The following NKAIN3 variants were observed in gnomAD, a reference collection of about 807,000 sequenced individuals.
NKAIN3 encodes the protein sodium/potassium-transporting ATPase subunit beta-1-interacting protein 3.
NKAIN3 carries 25 observed loss-of-function variants against 30.2 expected under a neutral mutation model. The ratio of observed to expected loss-of-function variants is 0.83; its 90% confidence interval spans 0.60 to 1.16. The LOEUF is 1.16. Ranked by LOEUF, NKAIN3 falls within the 50% of genes most tolerant of loss-of-function variation. The pLI is 0.00. For missense variants in NKAIN3, 225 were observed against 254.1 expected (o/e 0.89, Z 0.78); for synonymous variants, 91 against 89.6 (o/e 1.02, Z -0.09).
chr8:62,283,777 G>A (rs117309684), intron 1 of NKAIN3, among the ~76,000 whole-genome samples: 4,078 of 151,876 alleles, frequency 0.027, 95 homozygotes, highest in Middle Eastern at 0.075. Flanking sequence ...GTCCTATAAT[G>A]GTCCCAAAAG....
intron 3 of NKAIN3, among the ~76,000 whole-genome samples, chr8:62,638,525 G>GGGA (rs1439817677): frequency 6.6e-6 from 1 of 152,160 alleles, no homozygotes; most frequent in Non-Finnish European, 1.5e-5. Context: ...TGATTGAAAC[G>GGGA]TCTACATGCC....
At chr8:62,286,795 T>C (rs776784426) in intron 1 of NKAIN3, among the ~76,000 whole-genome samples, 6 of 152,080 alleles carry the variant, frequency 3.9e-5, no homozygotes, top group Non-Finnish European at 8.8e-5. Context: ...CAGCATAAGA[T>C]TGAGCTGCAG....
chr8:62,955,567 T>C (rs1823398592), intron 6 of NKAIN3, among the ~76,000 whole-genome samples: 1 of 152,116 alleles, frequency 6.6e-6, no homozygotes, highest in Non-Finnish European at 1.5e-5. Context: ...AATTGCAATA[T>C]GAAAAATGCT....
chr8:62,427,893 T>C (rs1273317057), intron 1 of NKAIN3, among the ~76,000 whole-genome samples: 1 of 151,968 alleles, frequency 6.6e-6, no homozygotes, highest in Non-Finnish European at 1.5e-5. Context: ...CAATAAATTA[T>C]GTTAACCATA....
At chr8:62,759,149 T>A (rs1347081799) in intron 4 of NKAIN3, among the ~76,000 whole-genome samples, 1 of 152,202 alleles carries the variant, frequency 6.6e-6, no homozygotes, top group Non-Finnish European at 1.5e-5. Flanking sequence ...ATTGTCTGAA[T>A]TTTAGTTTTT....
intron 5 of NKAIN3, among the ~76,000 whole-genome samples, chr8:62,927,682 G>A (rs1483177249): frequency 6.6e-6 from 1 of 151,988 alleles, no homozygotes; most frequent in Non-Finnish European, 1.5e-5. Context: ...TGCAGACACA[G>A]GTAACCAATT....
At chr8:62,708,786 C>T (rs1382445106) in intron 3 of NKAIN3, among the ~76,000 whole-genome samples, 1 of 152,190 alleles carries the variant, frequency 6.6e-6, no homozygotes. Flanking sequence ...GAGTGGACAT[C>T]CTTGTCTTGT....
chr8:62,550,564 C>T (rs779167909), intron 1 of NKAIN3, among the ~76,000 whole-genome samples: 55 of 152,160 alleles, frequency 3.6e-4, no homozygotes, highest in Non-Finnish European at 7.3e-4. Flanking sequence ...GACGCAGTTA[C>T]ATTAAACAGT....
chr8:62,837,401 T>C (rs1022180710), intron 4 of NKAIN3, among the ~76,000 whole-genome samples: 2 of 152,186 alleles, frequency 1.3e-5, no homozygotes, highest in Non-Finnish European at 2.9e-5. Flanking sequence ...TTATAGTTGG[T>C]ATCGGGAAAC....
chr8:62,359,434 G>T (rs759952389), intron 1 of NKAIN3, among the ~76,000 whole-genome samples: 1 of 152,170 alleles, frequency 6.6e-6, no homozygotes, highest in Non-Finnish European at 1.5e-5. Context: ...CTACTAACAC[G>T]TTCTGATACA....
At chr8:62,340,790 T>G (rs2129590939) in intron 1 of NKAIN3, among the ~76,000 whole-genome samples, 1 of 152,046 alleles carries the variant, frequency 6.6e-6, no homozygotes, top group South Asian at 2.1e-4. Context: ...TTGCTGAAAC[T>G]TGGCTACGCA....
chr8:62,763,246 A>C (rs1403108530), intron 4 of NKAIN3, among the ~76,000 whole-genome samples: 2 of 131,470 alleles, frequency 1.5e-5, no homozygotes, highest in Non-Finnish European at 3.2e-5. Context: ...AAAAAAAAAA[A>C]AAAAAAAAAA....
In NKAIN3 at chr8:62,981,431, T is replaced by G. The variant is rs1260017058; in HGVS notation, c.*16024T>G. On this transcript the variant is annotated 3_prime_UTR_variant, in exon 7 of 7. Coordinates refer to ENST00000623646, the MANE Select transcript of NKAIN3 (RefSeq NM_001304533.3). ...TCAAAGAAAATTTGGGTGTTAACAC[T>G]TTGAAATACCTTTACCTCCTTTGGG... 1 of 152,170 alleles carries G rather than the reference T, an allele frequency of 6.6e-6. No individual in the cohort carries two copies. The highest frequency in any genetic ancestry group is 1.5e-5 in the Non-Finnish European group (1 of 68,020). The allele number at this position is 152,170 out of a possible 1,614,324, so 9.4% of individuals were successfully genotyped here. A position where few individuals can be genotyped will look rare whatever the true frequency, so the allele number is the denominator to read the frequency against.
chr8:62,294,317 G>C (rs1813757188), intron 1 of NKAIN3, among the ~76,000 whole-genome samples: 1 of 152,152 alleles, frequency 6.6e-6, no homozygotes, highest in African/African-American at 2.4e-5. Flanking sequence ...GGGAGCTGCA[G>C]ACTGGAGCTG....
At chr8:62,697,529 A>C (rs984057269) in intron 3 of NKAIN3, among the ~76,000 whole-genome samples, 2 of 152,048 alleles carry the variant, frequency 1.3e-5, no homozygotes, top group African/African-American at 4.8e-5. Flanking sequence ...TTTTTACATA[A>C]TATTTGTTAC....
In NKAIN3 at chr8:62,749,679, C is replaced by CTTTTTTT. The variant is rs35908903; in HGVS notation, c.471+2564_471+2570dup. Among the ~76,000 whole-genome samples, 433 of 96,872 alleles carry CTTTTTTT rather than the reference C, an allele frequency of 4.5e-3. 3 individuals carry two copies. The highest frequency in any genetic ancestry group is 7.0e-3 in the Non-Finnish European group (345 of 49,184). 63.6% of individuals were successfully genotyped at this position (96,872 alleles called of 152,430 possible). On this transcript the variant is annotated intron_variant, in intron 4 of 6. Transcript: ENST00000623646. ...TATTAGAATTGTGCTTTTTTCTTTT[C>CTTTTTTT]TTTTTTTTTTTTTTTTTTTTAAGAC...
intron 4 of NKAIN3, chr8:62,863,850 G>T: frequency 6.3e-7 from 1 of 1,596,376 alleles, no homozygotes; most frequent in Non-Finnish European, 8.6e-7. Flanking sequence ...TTCACTGGAT[G>T]ATAGCCACCT....
At chr8:62,735,268 C>A (rs1815610131) in intron 3 of NKAIN3, among the ~76,000 whole-genome samples, 1 of 152,070 alleles carries the variant, frequency 6.6e-6, no homozygotes, top group South Asian at 2.1e-4. Context: ...TAACATAATC[C>A]CAAACTTCTT....
chr8:62,256,633 G>A (rs962775559), intron 1 of NKAIN3, among the ~76,000 whole-genome samples: 2 of 152,102 alleles, frequency 1.3e-5, no homozygotes, highest in South Asian at 2.1e-4. Flanking sequence ...GTGTATCTGC[G>A]GTAGGCTGTC....
Sources: allele counts gnomAD v4.1 joint callset (sites outside exome capture counted in the v4.1 genomes callset), GRCh38; gene constraint gnomAD v4.1.1; transcripts MANE v1.5; gene names NCBI Gene and HGNC (gene_info 2026-07-23, HGNC 2026-07-21).